The following RAD54L variants were observed in gnomAD, a reference collection of about 807,000 sequenced individuals.
The protein encoded by RAD54L is RAD54 like.
A neutral mutation model predicts 91.6 loss-of-function variants in RAD54L; 74 were observed. The ratio of observed to expected loss-of-function variants is 0.81; its 90% CI spans 0.67 to 0.98. The LOEUF (loss-of-function observed/expected upper bound fraction) is 0.98, where lower values mean the gene tolerates loss of function less well. RAD54L is among the 50% of genes least tolerant of loss of function. The pLI is 0.00. For synonymous variants in RAD54L, 304 were observed against 349.7 expected (o/e 0.87, Z 1.46); for missense variants, 887 against 945.7 (o/e 0.94, Z 0.81).
rs1375376751 is a variant in RAD54L, at chr1:46,261,314, TCCTATGAGA to T, written c.824_832del (p.Tyr275_Thr277del). ...GGTGTCTTCTCCCATCCTCATCATT[TCCTATGAGA>T]CCTTCCGCCTTCATGTTGGAGTCCT... On this transcript the variant is annotated inframe_deletion, in exon 8 of 18. Coordinates refer to ENST00000371975, the MANE Select transcript of RAD54L (RefSeq NM_003579.4). The T allele has an allele frequency of 5.0e-6, 8 of 1,613,892 alleles. No individual in the cohort carries two copies. The highest frequency in any genetic ancestry group is 6.8e-6 in the Non-Finnish European group (8 of 1,179,960).
At chr1:46,272,603 C>A (rs2148300305) in intron 11 of RAD54L, 63 bp downstream of exon 11, 1 of 1,612,562 alleles carries the variant, frequency 6.2e-7, no homozygotes, top group Non-Finnish European at 8.5e-7. Context: ...CATGGCTGGG[C>A]TCTCAAGGTG....
At position 46,258,820 on chromosome 1, in the gene RAD54L, T is replaced by G. The variant is rs1007146590; in HGVS notation, c.271+74T>G. On this transcript the variant is annotated intron_variant, in intron 4 of 17. Transcript: ENST00000371975. Reference sequence around the variant, plus strand: ...CCTGAATAAATTAAAAACCTGCTTTTGTAAATACAAGCTTAGCTGGGAATT... The same window carrying G: ...CCTGAATAAATTAAAAACCTGCTTTGGTAAATACAAGCTTAGCTGGGAATT... The G allele has an allele frequency of 4.9e-6, 6 of 1,223,970 alleles. No individual in the cohort carries two copies. In the African/African-American group the frequency reaches 8.9e-5, roughly 18 times the overall value. The allele number at this position is 1,223,970 out of a possible 1,614,324, so 75.8% of individuals were successfully genotyped here.
upstream of RAD54L, chr1:46,247,703 G>A (rs1352701863): frequency 1.9e-5 from 3 of 158,074 alleles, no homozygotes; most frequent in African/African-American, 4.9e-5. Context: ...GTGATACGAC[G>A]GCAGCGCGGC....
rs1202865996 is a variant in RAD54L, at chr1:46,261,308, A to G, written c.814A>G (p.Ile272Val). 1.2e-6 allele frequency: 2 copies of G among 1,613,096 alleles called. No individual in the cohort carries two copies. Among genetic ancestry groups the G allele is most frequent in the Non-Finnish European group, 1.7e-6 (2 of 1,179,908 alleles). ...AGCCAGGGTGTCTTCTCCCATCCTCATCATTTCCTATGAGACCTTCCGCCT... is the reference window on the plus strand; with the variant it reads ...AGCCAGGGTGTCTTCTCCCATCCTCGTCATTTCCTATGAGACCTTCCGCCT... ...RGARVSSPIL[I>V]ISYETFRLHV... Residue 272 changes from isoleucine to valine, a missense_variant, in exon 8 of 18, where the codon ATC (isoleucine) becomes GTC (valine). Physicochemically the swap from Ile to Val is conservative, Grantham distance 29. Coordinates refer to ENST00000371975, the MANE Select transcript of RAD54L (RefSeq NM_003579.4).
At position 46,258,862 on chromosome 1, in the gene RAD54L, C is replaced by T. The variant is rs897230208; in HGVS notation, c.271+116C>T. The T allele has an allele frequency of 2.7e-4, 239 of 871,010 alleles. 1 individual carries two copies. The highest frequency in any genetic ancestry group is 5.1e-5 in the Non-Finnish European group (27 of 530,878). 54.0% of individuals were successfully genotyped at this position (871,010 alleles called of 1,614,324 possible). On this transcript the variant is annotated intron_variant, in intron 4 of 17. Coordinates refer to ENST00000371975, the MANE Select transcript of RAD54L (RefSeq NM_003579.4). ...CTGGGAATTGAAGGTGCCAGTCCAGCGGTGGCTGTGTTTGGGGTGACCCTC... is the reference window on the plus strand; with the variant it reads ...CTGGGAATTGAAGGTGCCAGTCCAGTGGTGGCTGTGTTTGGGGTGACCCTC...
Position 46,260,017 on chromosome 1 carries a change from C to A in RAD54L, c.325C>A (p.Leu109Ile), listed in dbSNP as rs1392450325. The change falls in exon 5 of 18, where the codon CTC becomes ATC. Residue 109 changes from leucine to isoleucine, a missense_variant. Physicochemically the swap from Leu to Ile is conservative, Grantham distance 5. Coordinates refer to ENST00000371975, the MANE Select transcript of RAD54L (RefSeq NM_003579.4). The stretch of plus-strand genomic sequence containing the variant: ...GAAAAGGGCTGGGGTCCGCCGGGCC[C>A]TCCATGACCCCCTGGAAAAAGATGC... Reference protein sequence around the residue: ...GLKRAGVRRALHDPLEKDALV... With the variant: ...GLKRAGVRRAIHDPLEKDALV... The A allele has an allele frequency of 1.9e-6, 3 of 1,614,182 alleles. No homozygotes were observed. Among genetic ancestry groups the A allele is most frequent in the African/African-American group, 1.3e-5 (1 of 75,048 alleles).
At chr1:46,253,720 C>CTTTTTTTTTTTTTTTTTTT (rs3063981) in intron 3 of RAD54L, among the ~76,000 whole-genome samples, 1 of 83,598 alleles carries the variant, frequency 1.2e-5, no homozygotes. Context: ...CTTAGGTACT[C>CTTTTTTTTTTTTTTTTTTT]TTTTTTTTTT....
At position 46,274,223 on chromosome 1, in the gene RAD54L, G is replaced by A. The variant is rs776392650; in HGVS notation, c.1689+7G>A. 1.2e-6 allele frequency: 2 copies of A among 1,604,872 alleles called. No homozygotes were observed. Among genetic ancestry groups the A allele is most frequent in the Admixed American group, 3.3e-5 (2 of 59,996 alleles). ...ACGCTTCAATAGTCCATCGGTAAAT[G>A]CACATCCCCGTCCCCACACCACCAA... On this transcript the variant is annotated splice_region_variant and intron_variant, in intron 15 of 17. Coordinates refer to ENST00000371975, the MANE Select transcript of RAD54L (RefSeq NM_003579.4).
chr1:46,270,597 C>T (rs1032872741), intron 9 of RAD54L, 62 bp from the exon 10 acceptor site: 13 of 1,606,130 alleles, frequency 8.1e-6, no homozygotes, highest in Non-Finnish European at 1.0e-5. Context: ...TCTGCCATCA[C>T]TAGCTGTGGG....
chr1:46,272,025 C>CTTTTTTTTTTTTTTTTTTTT lies in RAD54L; in HGVS notation c.1170-426_1170-407dup, dbSNP rs1162693010. 3.4e-4 allele frequency among the ~76,000 whole-genome samples: 14 copies of CTTTTTTTTTTTTTTTTTTTT among 41,170 alleles called. 4 individuals carry two copies. The highest frequency in any genetic ancestry group is 5.3e-4 in the African/African-American group (4 of 7,538). 27.0% of individuals were successfully genotyped at this position (41,170 alleles called of 152,430 possible). A position where few individuals can be genotyped will look rare whatever the true frequency, so the allele number is the denominator to read the frequency against. On this transcript the variant is annotated intron_variant, in intron 10 of 17. Transcript: ENST00000371975. Reference sequence around the variant, plus strand: ...GATGTGTTTGACATAGGTCTGATGACTTTTTTTTTTTTTTTTTTTTTTTTT... The same window carrying CTTTTTTTTTTTTTTTTTTTT: ...GATGTGTTTGACATAGGTCTGATGACTTTTTTTTTTTTTTTTTTTTTTTTTTTTTTTTTTTTTTTTTTTTT...
intron 3 of RAD54L, among the ~76,000 whole-genome samples, chr1:46,258,006 A>G (rs369258349): frequency 5.3e-5 from 8 of 152,166 alleles, no homozygotes; most frequent in African/African-American, 1.9e-4. Context: ...TGTCTAGCAT[A>G]CATTGGTAGC....
intron 13 of RAD54L, 25 bp from the exon 14 acceptor site, chr1:46,273,599 G>T: frequency 2.5e-6 from 4 of 1,612,906 alleles, no homozygotes; most frequent in Non-Finnish European, 3.4e-6. Context: ...GCCAGTAGGG[G>T]ACTGCTGGTT....
intron 5 of RAD54L, 27 bp downstream of exon 5, chr1:46,260,126 G>T (rs2148287248): frequency 1.2e-6 from 2 of 1,614,106 alleles, no homozygotes; most frequent in Non-Finnish European, 1.7e-6. Context: ...TTCATAAGCA[G>T]TTTTGGTTCT....
chr1:46,274,613 G>A lies in RAD54L; in HGVS notation c.1765G>A (p.Val589Ile). Reference sequence around the variant, plus strand: ...CAATCTCATTGGGGCTAACCGGCTGGTCATGTTTGACCCTGACTGGAACCC... The same window carrying A: ...CAATCTCATTGGGGCTAACCGGCTGATCATGTTTGACCCTGACTGGAACCC... ...GLNLIGANRL[V>I]MFDPDWNPAN... Residue 589 changes from valine to isoleucine, a missense_variant, in exon 16 of 18, where the codon GTC (valine) becomes ATC (isoleucine). By Grantham distance (29) the Val-to-Ile change is conservative. Transcript: ENST00000371975. 6.2e-7 allele frequency: 1 copy of A among 1,613,966 alleles called. No homozygotes were observed. The highest frequency in any genetic ancestry group is 8.5e-7 in the Non-Finnish European group (1 of 1,180,040).
At chr1:46,271,459 C>T (rs1328620528) in intron 10 of RAD54L, among the ~76,000 whole-genome samples, 2 of 152,184 alleles carry the variant, frequency 1.3e-5, no homozygotes, top group Non-Finnish European at 2.9e-5. Flanking sequence ...AGTTCGAGAC[C>T]AGCCTGGCCA....
intron 14 of RAD54L, 23 bp downstream of exon 14, chr1:46,273,770 T>C (rs1449357410): frequency 6.3e-7 from 1 of 1,586,510 alleles, no homozygotes; most frequent in East Asian, 2.3e-5. Flanking sequence ...CTAACCAGGA[T>C]GCCAAAGGGG....
rs1660650881 is a variant in RAD54L, at chr1:46,277,624, A to G, written c.1870-193A>G. On this transcript the variant is annotated intron_variant, in intron 16 of 17. Transcript: ENST00000371975. ...AGTAGCCTGGGTGGGCAGACTATTC[A>G]TGTCATGTTCTCAGGAGACAGACTG... The G allele has an allele frequency of 3.3e-5, 22 of 667,150 alleles. 1 individual carries two copies. The South Asian group carries it at 3.9e-4, about 12-fold the overall frequency. 41.3% of individuals were successfully genotyped at this position (667,150 alleles called of 1,614,324 possible). A position where few individuals can be genotyped will look rare whatever the true frequency, so the allele number is the denominator to read the frequency against.
At chr1:46,259,821 C>T (rs1477655577) in intron 4 of RAD54L, 143 bp from the exon 5 acceptor site, 5 of 1,104,438 alleles carry the variant, frequency 4.5e-6, no homozygotes, top group Non-Finnish European at 6.9e-6. Context: ...ATAGAGATGC[C>T]CAAACTGAGT....
chr1:46,260,371 ACTTT>A (rs1172283850), intron 5 of RAD54L, among the ~76,000 whole-genome samples, 167 bp from the exon 6 acceptor site: 4 of 152,022 alleles, frequency 2.6e-5, no homozygotes, highest in African/African-American at 9.7e-5. Flanking sequence ...CTCTGAGCTA[ACTTT>A]CTAACTCCTA....
Sources: allele counts gnomAD v4.1 joint callset (sites outside exome capture counted in the v4.1 genomes callset), GRCh38; gene constraint gnomAD v4.1.1; transcripts MANE v1.5; gene names NCBI Gene and HGNC (gene_info 2026-07-23, HGNC 2026-07-21).